ATP13A2: variants seen among roughly 807,000 people sequenced by gnomAD.
ATP13A2 encodes polyamine-transporting ATPase 13A2.
A neutral mutation model predicts 138.3 loss-of-function variants in ATP13A2; 83 were observed. The ratio of observed to expected loss-of-function variants is 0.60; its 90% CI spans 0.50 to 0.72. ATP13A2 has a LOEUF of 0.72. Among genes scored for constraint, ATP13A2 ranks in the 30% least tolerant of loss-of-function variants. The pLI is 0.00. For missense variants in ATP13A2, 1,402 were observed against 1,606.4 expected (o/e 0.87, Z 2.17); for synonymous variants, 663 against 699.0 (o/e 0.95, Z 0.81).
In ATP13A2 at chr1:17,002,382, G is replaced by A. The variant is rs748951905; in HGVS notation, c.558-9C>T. 6.2e-7 allele frequency: 1 copy of A among 1,611,804 alleles called. No homozygotes were observed. Reference sequence around the variant, plus strand: ...GGCCATGGTCCAGGAGGCTGGGGGTGGGTGCGAGGGGACACGCATGGGCCA... The same window carrying A: ...GGCCATGGTCCAGGAGGCTGGGGGTAGGTGCGAGGGGACACGCATGGGCCA... On this transcript the variant is annotated splice_polypyrimidine_tract_variant and intron_variant, in intron 6 of 28. Coordinates refer to ENST00000326735, the MANE Select transcript of ATP13A2 (RefSeq NM_022089.4).
chr1:16,986,642 G>A lies in ATP13A2; in HGVS notation c.3236-10C>T, dbSNP rs1452169915. 4.4e-6 allele frequency: 7 copies of A among 1,604,012 alleles called. No individual in the cohort carries two copies. In the African/African-American group the frequency reaches 5.4e-5, roughly 12 times the overall value. ...GCCACCAGGAAGGGCACTGGGAGCAGGAGAGTCTCTCAGGCAGGAGCCACG... is the reference window on the plus strand; with the variant it reads ...GCCACCAGGAAGGGCACTGGGAGCAAGAGAGTCTCTCAGGCAGGAGCCACG... On this transcript the variant is annotated splice_polypyrimidine_tract_variant and intron_variant, in intron 27 of 28. Coordinates refer to ENST00000326735, the MANE Select transcript of ATP13A2 (RefSeq NM_022089.4). This position sits in a 1 kb window ranked among gnomAD's most constrained non-coding sequence, Gnocchi z 6.9.
In ATP13A2 at chr1:17,004,721, T is replaced by C. The variant is rs1457298892; in HGVS notation, c.448A>G (p.Lys150Glu). ...CCGACACTCACCGCCTCCTCGCTCT[T>C]GTGGAGCTGGGCCGTATCCTTCCAG... is the stretch of plus-strand genomic sequence containing the variant. ...GAWKDTAQLH[K>E]SEEAVSVGQK... The change falls in exon 5 of 29, where the codon AAG (lysine) becomes GAG (glutamate). Residue 150 changes from lysine (K) to glutamate (E), a missense_variant. Lys to Glu is a moderately conservative substitution (Grantham distance 56). Coordinates refer to ENST00000326735, the MANE Select transcript of ATP13A2 (RefSeq NM_022089.4). This position sits in a 1 kb window ranked among gnomAD's most constrained non-coding sequence, Gnocchi z 4.1. 1 of 1,613,984 alleles carries C rather than the reference T, an allele frequency of 6.2e-7. No homozygotes were observed. The highest frequency in any genetic ancestry group is 1.7e-5 in the Admixed American group (1 of 60,006).
rs540533484 is a variant in ATP13A2, at chr1:17,003,585, C to CCACACACACACACA, written c.557+733_557+746dup. On this transcript the variant is annotated intron_variant, in intron 6 of 28. Transcript: ENST00000326735. ...AAAACAAACAAACAAACCAAAAAAA[C>CCACACACACACACA]CACACACACACACACACACACACAC... 3.7e-4 allele frequency among the ~76,000 whole-genome samples: 49 copies of CCACACACACACACA among 133,054 alleles called. 1 individual carries two copies. Among genetic ancestry groups the CCACACACACACACA allele is most frequent in the East Asian group, 2.5e-3 (11 of 4,440 alleles). 87.3% of individuals were successfully genotyped at this position (133,054 alleles called of 152,430 possible). A position where few individuals can be genotyped will look rare whatever the true frequency, so the allele number is the denominator to read the frequency against.
rs763274429 is a variant in ATP13A2 at position 16,988,268 on chromosome 1, G to C, written c.2763-34C>G. 1.9e-6 allele frequency: 3 copies of C among 1,614,082 alleles called. No homozygotes were observed. The African/African-American group carries it at 4.0e-5, about 22-fold the overall frequency. ...CAGGGCACGGACATTAGGGGACCCA[G>C]GTTGGCTGACCAGCCCTGCTGAGCC... On this transcript the variant is annotated intron_variant, in intron 24 of 28. Transcript: ENST00000326735.
Position 17,007,654 on chromosome 1 carries a change from C to A in ATP13A2, c.11-1876G>T, listed in dbSNP as rs577579897. 3.5e-3 allele frequency among the ~76,000 whole-genome samples: 525 copies of A among 151,654 alleles called. 6 individuals are homozygous for A. The highest frequency in any genetic ancestry group is 0.012 in the African/African-American group (503 of 41,344). ...GCAAGCTCTGCCTTCCGGGTTCACACCATTCTCCTGCCTCAGCCTCCCAAG... is the reference window on the plus strand; with the variant it reads ...GCAAGCTCTGCCTTCCGGGTTCACAACATTCTCCTGCCTCAGCCTCCCAAG... On this transcript the variant is annotated intron_variant, in intron 1 of 28. Transcript: ENST00000326735.
rs762160087 is a variant in ATP13A2 at position 16,990,237 on chromosome 1, C to T, written c.2302G>A (p.Ala768Thr). The T allele has an allele frequency of 6.2e-7, 1 of 1,614,018 alleles. No homozygotes were observed. Among genetic ancestry groups the T allele is most frequent in the Non-Finnish European group, 8.5e-7 (1 of 1,180,026 alleles). ...VTVARGCGMVAPQEHLIIVHA... is the reference protein window; with the variant it reads ...VTVARGCGMVTPQEHLIIVHA... ...ACGATGATCAGATGCTCCTGGGGGG[C>T]CACCATGCCACAGCCCCGGGCCACA... Residue 768 changes from alanine to threonine, a missense_variant, in exon 21 of 29, where the codon GCC (alanine) becomes ACC (threonine). Transcript: ENST00000326735.
Position 17,004,617 on chromosome 1 carries a change from T to A in ATP13A2, c.477+75A>T. The A allele has an allele frequency of 6.2e-7, 1 of 1,611,986 alleles. No homozygotes were observed. The highest frequency in any genetic ancestry group is 8.5e-7 in the Non-Finnish European group (1 of 1,178,546). On this transcript the variant is annotated intron_variant, in intron 5 of 28. Transcript: ENST00000326735. This position sits in a 1 kb window ranked among gnomAD's most constrained non-coding sequence, Gnocchi z 4.1. ...AGAACTAAAAGGTGGTGGGAGAACA[T>A]GAAGTCTGACTCTCCCATTGCACAG...
chr1:17,010,280 G>A (rs2077736635), intron 1 of ATP13A2, among the ~76,000 whole-genome samples: 2 of 152,144 alleles, frequency 1.3e-5, no homozygotes, highest in Admixed American at 1.3e-4. Flanking sequence ...GTTTCCCCAT[G>A]TTGGCCAGAC....
rs1161855207 is a variant in ATP13A2 at position 17,004,811 on chromosome 1, A to G, written c.358T>C (p.Ser120Pro). 6.2e-7 allele frequency: 1 copy of G among 1,613,564 alleles called. No homozygotes were observed. Among genetic ancestry groups the G allele is most frequent in the African/African-American group, 1.3e-5 (1 of 74,920 alleles). ...CCATCCTCTGCCTGGGACTGTGGGG[A>G]CGGCTCCAGGCTGGGGAAGCAGGTG... ...EAIGEGSLEP[S>P]PQSQAEDGRS... is the part of the protein sequence containing the mutation. The change falls in exon 5 of 29, where the codon TCC (serine) becomes CCC (proline). Residue 120 changes from serine (S) to proline (P), a missense_variant. Ser to Pro is a moderately conservative substitution (Grantham distance 74). Coordinates refer to ENST00000326735, the MANE Select transcript of ATP13A2 (RefSeq NM_022089.4). This position sits in a 1 kb window ranked among gnomAD's most constrained non-coding sequence, Gnocchi z 4.1.
intron 1 of ATP13A2, among the ~76,000 whole-genome samples, chr1:17,009,467 G>A (rs2077699322): frequency 6.8e-6 from 1 of 146,058 alleles, no homozygotes; most frequent in African/African-American, 2.5e-5. Flanking sequence ...CATGATCCTA[G>A]CTCACTGGAG....
In ATP13A2 at chr1:16,997,139, T is replaced by C; in HGVS notation, c.1076A>G (p.Glu359Gly). 1 of 1,613,670 alleles carries C rather than the reference T, an allele frequency of 6.2e-7. No individual in the cohort carries two copies. Among genetic ancestry groups the C allele is most frequent in the Non-Finnish European group, 8.5e-7 (1 of 1,180,020 alleles). The stretch of plus-strand genomic sequence containing the variant: ...CTCTGCACAGTAGGGCCCCAGCCCC[T>C]CCGGCAGTGCCGTCTTCAGCACTGG... ...SIPVLKTALP[E>G]GLGPYCAETH... is the part of the protein sequence containing the mutation. Residue 359 changes from glutamate to glycine, a missense_variant, in exon 12 of 29, where the codon GAG becomes GGG. Glu to Gly is a moderately conservative substitution (Grantham distance 98, BLOSUM62 -2). Coordinates refer to ENST00000326735, the MANE Select transcript of ATP13A2 (RefSeq NM_022089.4).
Position 17,000,076 on chromosome 1 carries a change from C to T in ATP13A2, c.974G>A (p.Gly325Glu), listed in dbSNP as rs1471235795. The change falls in exon 11 of 29, where the codon GGG becomes GAG. Residue 325 changes from glycine to glutamate, a missense_variant. Transcript: ENST00000326735. ...GDCLVLPQEGGLMPCDAALVA... is the reference protein window; with the variant it reads ...GDCLVLPQEGELMPCDAALVA... ...CAGGGCGGCATCACAGGGCATCAGCCCACCCTCCTGGGGCAGCACCAGGCA... is the reference window on the plus strand; with the variant it reads ...CAGGGCGGCATCACAGGGCATCAGCTCACCCTCCTGGGGCAGCACCAGGCA... 6.2e-7 allele frequency: 1 copy of T among 1,613,434 alleles called. No individual in the cohort carries two copies. The highest frequency in any genetic ancestry group is 1.7e-5 in the Admixed American group (1 of 60,016).
Position 16,996,509 on chromosome 1 carries a change from C to T in ATP13A2, c.1196-13G>A, listed in dbSNP as rs781357525. On this transcript the variant is annotated splice_polypyrimidine_tract_variant and intron_variant, in intron 12 of 28. Coordinates refer to ENST00000326735, the MANE Select transcript of ATP13A2 (RefSeq NM_022089.4). ...GCCGTGCAGAACCCTGGGGAGGAGG[C>T]GGGGACCCCAAGGCAGGGAAGCCAG... The T allele has an allele frequency of 1.3e-5, 21 of 1,611,718 alleles. No individual in the cohort carries two copies. Among genetic ancestry groups the T allele is most frequent in the African/African-American group, 4.0e-5 (3 of 74,850 alleles).
In ATP13A2 at chr1:16,987,202, A is replaced by G. The variant is rs776148733; in HGVS notation, c.2927T>C (p.Val976Ala). 3.7e-6 allele frequency: 6 copies of G among 1,613,686 alleles called. No homozygotes were observed. Among genetic ancestry groups the G allele is most frequent in the Non-Finnish European group, 5.1e-6 (6 of 1,179,868 alleles). Residue 976 changes from valine (V) to alanine (A), a missense_variant, in exon 26 of 29, where the codon GTG (valine) becomes GCG (alanine). Coordinates refer to ENST00000326735, the MANE Select transcript of ATP13A2 (RefSeq NM_022089.4). ...CGCTGGCCCCGTGCGGCTCATGAGC[A>G]CTGCCACTGTGGTGGTGATGACCAG... ...IDLVITTTVAVLMSRTGPALV... is the reference protein window; with the variant it reads ...IDLVITTTVAALMSRTGPALV...
At position 16,991,703 on chromosome 1, in the gene ATP13A2, T is replaced by C. The variant is rs780063921; in HGVS notation, c.2251+31A>G. 3 of 1,613,950 alleles carry C rather than the reference T, an allele frequency of 1.9e-6. No homozygotes were observed. The South Asian group carries it at 3.3e-5, about 18-fold the overall frequency. On this transcript the variant is annotated intron_variant, in intron 20 of 28. Transcript: ENST00000326735. ...TGCCAGGAAGGGGCGGATTCTGCCC[T>C]GCTAGCCCGGGCCCCTACATGCCAT... is the stretch of plus-strand genomic sequence containing the variant.
At position 16,993,677 on chromosome 1, in the gene ATP13A2, G is replaced by T. The variant is rs1449514664; in HGVS notation, c.1701C>A (p.Thr567=). The change falls in exon 16 of 29, where the codon ACC becomes ACA. Residue 567 remains threonine, a synonymous_variant. Coordinates refer to ENST00000326735, the MANE Select transcript of ATP13A2 (RefSeq NM_022089.4). ...TCAAGTCCATGGGGTCGCCCACGGG[G>T]GTGTCCTGGAGCCGGCTGAGGGCAT... is the stretch of plus-strand genomic sequence containing the variant. ...TCHALSRLQD[T]PVGDPMDLKM... The T allele has an allele frequency of 4.4e-6, 7 of 1,596,752 alleles. No homozygotes were observed. The highest frequency in any genetic ancestry group is 2.3e-5 in the East Asian group (1 of 44,280).
rs2077504826 is a variant in ATP13A2, at chr1:17,005,153, C to A, written c.289-81G>T. 3.2e-6 allele frequency: 5 copies of A among 1,583,310 alleles called. No homozygotes were observed. In the Admixed American group the frequency reaches 5.0e-5, roughly 16 times the overall value. On this transcript the variant is annotated intron_variant, in intron 3 of 28. Coordinates refer to ENST00000326735, the MANE Select transcript of ATP13A2 (RefSeq NM_022089.4). ...CTGTCCTACAGCCAGGCGGCCCCTGCTGGAGAAGGCAGAAATCAAGGCTAT... is the reference window on the plus strand; with the variant it reads ...CTGTCCTACAGCCAGGCGGCCCCTGATGGAGAAGGCAGAAATCAAGGCTAT...
chr1:16,999,996 G>A lies in ATP13A2; in HGVS notation c.1039+15C>T, dbSNP rs2077285047. 6.3e-7 allele frequency: 1 copy of A among 1,595,574 alleles called. No individual in the cohort carries two copies. Among genetic ancestry groups the A allele is most frequent in the Non-Finnish European group, 8.6e-7 (1 of 1,169,172 alleles). ...GGGGAGGAAGGAAGCTGCAGGCCAG[G>A]GGCTGGGGGCTCACCTGTCAGAGAG... On this transcript the variant is annotated intron_variant, in intron 11 of 28. Transcript: ENST00000326735.
Position 17,004,285 on chromosome 1 carries a change from G to A in ATP13A2, c.557+47C>T. On this transcript the variant is annotated intron_variant, in intron 6 of 28. Transcript: ENST00000326735. The surrounding 1 kb of genome is among the most constrained non-coding windows in gnomAD (Gnocchi z 4.1). The stretch of plus-strand genomic sequence containing the variant: ...CATGCCACCGTCTGTGCCCAAACCA[G>A]TGCCACTCTGGGAGGTGACATGAGC... The A allele has an allele frequency of 6.3e-7, 1 of 1,590,516 alleles. No individual in the cohort carries two copies. Among genetic ancestry groups the A allele is most frequent in the Non-Finnish European group, 8.6e-7 (1 of 1,163,926 alleles).
Sources: gnomAD v4.1 joint callset for allele counts (sites outside exome capture counted in the v4.1 genomes callset) on GRCh38, gnomAD v4.1.1 for gene constraint, Gnocchi (gnomAD v3.1) non-coding constraint, MANE v1.5 for transcripts, NCBI Gene and HGNC (gene_info 2026-07-23, HGNC 2026-07-21) for gene names.